The following NHS variants were observed in gnomAD, a reference collection of about 807,000 sequenced individuals.
NHS encodes actin remodeling regulator NHS.
In NHS, 5 loss-of-function variants were observed where a neutral mutation model predicts 72.5. The ratio of observed to expected loss-of-function variants is 0.07; its 90% confidence interval spans 0.04 to 0.14. NHS has a LOEUF of 0.14. NHS is among the 10% of genes least tolerant of loss of function. The pLI is 1.00. For synonymous variants in NHS, 464 were observed against 547.7 expected, an observed-to-expected ratio of 0.85 and a Z score of 2.13; for missense variants, 1,072 against 1,355.7, an observed-to-expected ratio of 0.79 and a Z score of 3.29.
At position 17,462,229 on chromosome X, in the gene NHS, T is replaced by TGA. The variant is rs1443243114; in HGVS notation, c.565+85907_565+85908insGA. On this transcript the variant is annotated intron_variant, in intron 1 of 8. Coordinates refer to ENST00000676302, the MANE Select transcript of NHS (RefSeq NM_001291867.2). ...GTGTAGGTACTATTTAAGTACTATA[T>TGA]ATATATTCATTTAAGCCATACAACA... Among the ~76,000 whole-genome samples the TGA allele has an allele frequency of 4.5e-5, 5 of 111,804 alleles. No homozygotes were observed. In the East Asian group the frequency reaches 1.4e-3, roughly 32 times the overall value.
intron 1 of NHS, among the ~76,000 whole-genome samples, chrX:17,567,131 A>G (rs1412190263): frequency 8.9e-6 from 1 of 112,372 alleles, no homozygotes; most frequent in Non-Finnish European, 1.9e-5. Flanking sequence ...TAGTTAATTC[A>G]TTTATTTTAA....
chrX:17,405,672 T>C (rs1013847697), intron 1 of NHS, among the ~76,000 whole-genome samples: 1 of 112,100 alleles, frequency 8.9e-6, no homozygotes, highest in Admixed American at 9.4e-5. Context: ...AAGGAGGAGG[T>C]AACAGAGAAG....
chrX:17,446,939 T>G (rs775890230), intron 1 of NHS, among the ~76,000 whole-genome samples: 8 of 112,312 alleles, frequency 7.1e-5, no homozygotes, highest in Non-Finnish European at 1.3e-4. Context: ...TAATATATCT[T>G]AAACTTCTTT....
chrX:17,497,957 C>G (rs1415238763), intron 1 of NHS, among the ~76,000 whole-genome samples: 1 of 111,860 alleles, frequency 8.9e-6, no homozygotes, highest in African/African-American at 3.3e-5. Flanking sequence ...CAGTGGATCT[C>G]AATCTTTTGT....
At chrX:17,461,068 A>G (rs1303637753) in intron 1 of NHS, among the ~76,000 whole-genome samples, 1 of 112,368 alleles carries the variant, frequency 8.9e-6, no homozygotes, top group African/African-American at 3.2e-5. Context: ...GAACTTTGCT[A>G]GGTACTGTGA....
chrX:17,617,383 G>A (rs1431788288), intron 1 of NHS, among the ~76,000 whole-genome samples: 4 of 112,381 alleles, frequency 3.6e-5, no homozygotes, highest in Non-Finnish European at 7.5e-5. Context: ...CATATTTGAC[G>A]TTTCAGTGCT....
chrX:17,503,142 C>CA (rs1161822065), intron 1 of NHS, among the ~76,000 whole-genome samples: 1 of 112,423 alleles, frequency 8.9e-6, no homozygotes, highest in Non-Finnish European at 1.9e-5. Context: ...TTTTAAATGA[C>CA]ACAACATGTG....
chrX:17,467,882 T>C (rs1308429835), intron 1 of NHS, among the ~76,000 whole-genome samples: 1 of 112,223 alleles, frequency 8.9e-6, no homozygotes, highest in Non-Finnish European at 1.9e-5. Flanking sequence ...ACTTGATTAA[T>C]TGGCTATTTT....
intron 1 of NHS, chrX:17,528,832 G>C (rs937332929): frequency 8.9e-6 from 1 of 111,760 alleles, no homozygotes; most frequent in Non-Finnish European, 1.9e-5. Flanking sequence ...GAGTGTTCTA[G>C]GTCTGTCATT....
chrX:17,420,285 A>G (rs2064616940), intron 1 of NHS, among the ~76,000 whole-genome samples: 1 of 111,642 alleles, frequency 9.0e-6, no homozygotes, highest in African/African-American at 3.3e-5. Flanking sequence ...CCTGACTTCC[A>G]TCTTCTTATT....
chrX:17,519,624 T>C (rs187436128), intron 1 of NHS, among the ~76,000 whole-genome samples: 78 of 111,722 alleles, frequency 7.0e-4, no homozygotes, highest in African/African-American at 2.4e-3. Flanking sequence ...GGGTTTCACT[T>C]TGAAATAAAA....
At chrX:17,474,688 G>A (rs1380925693) in intron 1 of NHS, among the ~76,000 whole-genome samples, 2 of 112,127 alleles carry the variant, frequency 1.8e-5, no homozygotes, top group East Asian at 5.6e-4. Flanking sequence ...GTTTCCTCTA[G>A]GTAGGGGGCA....
intron 1 of NHS, among the ~76,000 whole-genome samples, chrX:17,393,887 T>C (rs1002704480): frequency 2.7e-5 from 3 of 110,972 alleles, no homozygotes; most frequent in East Asian, 2.8e-4. Context: ...GATTTGGGGG[T>C]TTAAAAGGCC....
chrX:17,718,689 G>A (rs1243864121), intron 3 of NHS, among the ~76,000 whole-genome samples: 2 of 92,461 alleles, frequency 2.2e-5, no homozygotes, highest in African/African-American at 8.2e-5. Flanking sequence ...AAAGCAAAAA[G>A]GAAGAAGGAA....
intron 1 of NHS, chrX:17,635,207 T>A: frequency 1.3e-6 from 1 of 763,551 alleles, no homozygotes; most frequent in Non-Finnish European, 1.6e-6. Flanking sequence ...GAAGTCCCAC[T>A]GCAACCTAAA....
chrX:17,396,930 AT>A (rs765095130), intron 1 of NHS, among the ~76,000 whole-genome samples: 35 of 111,152 alleles, frequency 3.1e-4, no homozygotes, highest in African/African-American at 9.8e-4. Flanking sequence ...TCCAGATTGC[AT>A]TTTTTTTCAT....
intron 1 of NHS, among the ~76,000 whole-genome samples, chrX:17,507,858 C>A (rs1569269256): frequency 9.0e-6 from 1 of 111,586 alleles, no homozygotes; most frequent in Non-Finnish European, 1.9e-5. Context: ...CACACTGTGG[C>A]TTTGGTGTTT....
At chrX:17,611,628 C>T (rs143901222) in intron 1 of NHS, among the ~76,000 whole-genome samples, 2,280 of 110,599 alleles carry the variant, frequency 0.021, 51 homozygotes, top group African/African-American at 0.066. Flanking sequence ...AAATTATCAT[C>T]GACAGGTAGG....
Position 17,591,886 on chromosome X carries a change from AT to A in NHS, c.566-95855del, listed in dbSNP as rs1454247732. 1.2e-4 allele frequency among the ~76,000 whole-genome samples: 13 copies of A among 111,484 alleles called. No individual in the cohort carries two copies. In the Admixed American group the frequency reaches 1.2e-3, roughly 11 times the overall value. ...CCCTCATTTCCCTCCGGCTGCCTTT[AT>A]CTGAGGTGGCCAACTTGAAACCAAA... On this transcript the variant is annotated intron_variant, in intron 1 of 8. Transcript: ENST00000676302.
Sources: allele counts gnomAD v4.1 joint callset (sites outside exome capture counted in the v4.1 genomes callset), GRCh38; gene constraint gnomAD v4.1.1; transcripts MANE v1.5; gene names NCBI Gene and HGNC (gene_info 2026-07-23, HGNC 2026-07-21).